PDE1A: variants seen among roughly 807,000 people sequenced by gnomAD.
PDE1A encodes the protein dual specificity calcium/calmodulin-dependent 3',5'-cyclic nucleotide phosphodiesterase 1A.
PDE1A carries 35 observed loss-of-function variants against 61.7 expected under a neutral mutation model. The observed-to-expected ratio is 0.57, with a 90% CI of 0.43 to 0.75. PDE1A has a LOEUF of 0.75. PDE1A is among the 30% of genes least tolerant of loss of function. The probability of loss-of-function intolerance (pLI) is 0.00; values close to 1 mark genes in which losing one functional copy is unlikely to be tolerated. For missense variants in PDE1A, 597 were observed against 630.6 expected, an observed-to-expected ratio of 0.95 and a Z score of 0.57; for synonymous variants, 232 against 213.2, an observed-to-expected ratio of 1.09 and a Z score of -0.77.
chr2:182,585,314 G>A, the PDE1A span, among the ~76,000 whole-genome samples: 1 of 152,154 alleles, frequency 6.6e-6, no homozygotes, highest in East Asian at 1.9e-4. Flanking sequence ...TTTTTATGAA[G>A]TGTATTTTGG....
At chr2:182,573,942 A>T in the PDE1A span, among the ~76,000 whole-genome samples, 2 of 133,634 alleles carry the variant, frequency 1.5e-5, no homozygotes, top group African/African-American at 6.0e-5. Flanking sequence ...ATGTATATTT[A>T]TATATTATAT....
At position 182,503,745 on chromosome 2, in the gene PDE1A, G is replaced by A. The variant is rs577503858; in HGVS notation, c.101+18531C>T. 7.2e-5 allele frequency among the ~76,000 whole-genome samples: 11 copies of A among 152,194 alleles called. No individual in the cohort carries two copies. The South Asian group carries it at 2.1e-3, about 29-fold the overall frequency. ...TTGAAACTCCCAAGAGTTTGTTGCTGTACCGTTTTATTAAAATTACATTAT... is the reference window on the plus strand; with the variant it reads ...TTGAAACTCCCAAGAGTTTGTTGCTATACCGTTTTATTAAAATTACATTAT... On this transcript the variant is annotated intron_variant, in intron 2 of 14. Transcript: ENST00000410103.
intron 1 of PDE1A, among the ~76,000 whole-genome samples, chr2:182,318,049 A>G (rs833125): frequency 0.62 from 93,991 of 151,920 alleles, 31,566 homozygotes; most frequent in Middle Eastern, 0.78. Context: ...AGCCAGGCTG[A>G]TATTCAAATA....
intron 1 of PDE1A, among the ~76,000 whole-genome samples, chr2:182,424,080 G>A (rs1213780094): frequency 6.6e-6 from 1 of 151,704 alleles, no homozygotes; most frequent in East Asian, 1.9e-4. Context: ...AAGTAGCTGG[G>A]ACTACAGGTG....
intron 1 of PDE1A, among the ~76,000 whole-genome samples, chr2:182,347,606 G>A (rs760130520): frequency 4.6e-5 from 7 of 151,900 alleles, no homozygotes; most frequent in Middle Eastern, 3.2e-3. Context: ...TTTTGTCCAC[G>A]TATTGAAACT....
intron 2 of PDE1A, among the ~76,000 whole-genome samples, chr2:182,469,948 G>A (rs1184546434): frequency 6.6e-6 from 1 of 151,810 alleles, no homozygotes; most frequent in African/African-American, 2.4e-5. Flanking sequence ...TTATTTACAT[G>A]TGGTTGGTGC....
chr2:182,415,494 G>A (rs1050267628), intron 1 of PDE1A, among the ~76,000 whole-genome samples: 1 of 152,088 alleles, frequency 6.6e-6, no homozygotes, highest in African/African-American at 2.4e-5. Flanking sequence ...TTCTAGTCTT[G>A]TACAACCTAG....
chr2:182,594,590 T>TA, the PDE1A span, among the ~76,000 whole-genome samples: 1 of 152,260 alleles, frequency 6.6e-6, no homozygotes, highest in Non-Finnish European at 1.5e-5. Context: ...CTTTGTCATA[T>TA]ACAAGTCAGA....
At chr2:182,167,025 AC>A (rs1691686277), downstream of PDE1A, among the ~76,000 whole-genome samples, 1 of 152,128 alleles carries the variant, frequency 6.6e-6, no homozygotes, top group Non-Finnish European at 1.5e-5. Context: ...TTCAAATCCA[AC>A]AAAAACAGTA....
chr2:182,407,077 T>C (rs1329563640), intron 1 of PDE1A, among the ~76,000 whole-genome samples: 1 of 152,158 alleles, frequency 6.6e-6, no homozygotes, highest in Non-Finnish European at 1.5e-5. Context: ...TTCAAAATGT[T>C]TTCTTCACAT....
the PDE1A span, among the ~76,000 whole-genome samples, chr2:182,614,474 A>C: frequency 4.0e-5 from 6 of 151,570 alleles, no homozygotes; most frequent in African/African-American, 1.2e-4. Context: ...TTTGAATATT[A>C]TTATATGAAA....
chr2:182,513,452 C>A (rs1398708110), intron 2 of PDE1A, among the ~76,000 whole-genome samples: 1 of 152,134 alleles, frequency 6.6e-6, no homozygotes, highest in Non-Finnish European at 1.5e-5. Flanking sequence ...TAAGGGAGTG[C>A]TAAACATAGC....
At chr2:182,553,049 G>A in the PDE1A span, among the ~76,000 whole-genome samples, 458 of 152,290 alleles carry the variant, frequency 3.0e-3, 1 homozygote, top group Non-Finnish European at 5.0e-3. Flanking sequence ...GTTCCTGCAC[G>A]GCTAAGTGCC....
chr2:182,402,195 A>G (rs1702041841), intron 1 of PDE1A, among the ~76,000 whole-genome samples: 1 of 152,210 alleles, frequency 6.6e-6, no homozygotes, highest in African/African-American at 2.4e-5. Flanking sequence ...ATATGGACCC[A>G]AAAAACAGCC....
At chr2:182,364,664 G>A (rs1036989396) in intron 1 of PDE1A, among the ~76,000 whole-genome samples, 4 of 151,362 alleles carry the variant, frequency 2.6e-5, no homozygotes, top group African/African-American at 9.7e-5. Flanking sequence ...AACAAATAAA[G>A]ATATAGTTTA....
At chr2:182,354,178 G>A (rs1337934661) in intron 1 of PDE1A, among the ~76,000 whole-genome samples, 3 of 152,104 alleles carry the variant, frequency 2.0e-5, no homozygotes, top group African/African-American at 7.2e-5. Flanking sequence ...TTAGTCCACT[G>A]AACTTTGAAG....
At chr2:182,224,237 C>A (rs370236738) in intron 6 of PDE1A, among the ~76,000 whole-genome samples, 1 of 151,794 alleles carries the variant, frequency 6.6e-6, no homozygotes, top group Admixed American at 6.6e-5. Flanking sequence ...AAAAGGTGAA[C>A]CCTAACTGGA....
chr2:182,254,276 C>T (rs1691614182), intron 2 of PDE1A, among the ~76,000 whole-genome samples: 1 of 152,160 alleles, frequency 6.6e-6, no homozygotes, highest in Non-Finnish European at 1.5e-5. Context: ...GATTTTCACA[C>T]TCCACCTACA....
At chr2:182,313,242 C>T (rs941537739) in intron 1 of PDE1A, among the ~76,000 whole-genome samples, 7 of 151,990 alleles carry the variant, frequency 4.6e-5, no homozygotes, top group Non-Finnish European at 7.4e-5. Context: ...GGTGAAACCT[C>T]GTCTCTATAA....
Sources: allele counts gnomAD v4.1 joint callset (sites outside exome capture counted in the v4.1 genomes callset), GRCh38; gene constraint gnomAD v4.1.1; transcripts MANE v1.5; gene names NCBI Gene and HGNC (gene_info 2026-07-23, HGNC 2026-07-21).